The following GRID1 variants were observed in gnomAD, a reference collection of about 807,000 sequenced individuals.
GRID1 encodes the protein glutamate receptor ionotropic, delta-1.
A neutral mutation model predicts 98.0 loss-of-function variants in GRID1; 28 were observed. The ratio of observed to expected loss-of-function variants is 0.29; its 90% CI spans 0.21 to 0.39. The LOEUF (loss-of-function observed/expected upper bound fraction) is 0.39. GRID1 is among the 10% of genes least tolerant of loss of function. The pLI, the probability that GRID1 is intolerant of heterozygous loss-of-function variation, is 1.00. For missense variants in GRID1, 1,111 were observed against 1,340.5 expected (o/e 0.83, Z 2.67); for synonymous variants, 553 against 538.5 (o/e 1.03, Z -0.37).
At position 85,934,772 on chromosome 10, in the gene GRID1, T is replaced by C. The variant is rs374957347; in HGVS notation, c.727-18533A>G. Among the ~76,000 whole-genome samples, 8 of 152,148 alleles carry C rather than the reference T, an allele frequency of 5.3e-5. No homozygotes were observed. The East Asian group carries it at 1.4e-3, about 26-fold the overall frequency. On this transcript the variant is annotated intron_variant, in intron 4 of 15. Transcript: ENST00000327946. ...TGCCAGTCACGCTGGCTGGGGCCAC[T>C]GCCAGGCGTGGCCTGAGTGCCAGGC...
At chr10:85,731,841 G>GAGGGAGGGAGGAAGAA (rs1841828245) in intron 8 of GRID1, among the ~76,000 whole-genome samples, 1 of 138,864 alleles carries the variant, frequency 7.2e-6, no homozygotes, top group Non-Finnish European at 1.6e-5. Context: ...GGAAGGGAGG[G>GAGGGAGGGAGGAAGAA]AGGGAGGGAG....
chr10:85,853,992 A>G (rs1212651365), intron 8 of GRID1, among the ~76,000 whole-genome samples: 5 of 151,782 alleles, frequency 3.3e-5, no homozygotes, highest in African/African-American at 1.2e-4. Flanking sequence ...GAGTTGTTCA[A>G]CTCCTCTGTC....
chr10:85,802,427 T>C (rs1842585002), intron 8 of GRID1, among the ~76,000 whole-genome samples: 1 of 151,960 alleles, frequency 6.6e-6, no homozygotes, highest in Admixed American at 6.6e-5. Flanking sequence ...CACATATATA[T>C]GAATATGAAA....
At chr10:86,200,711 A>G (rs1845937733) in intron 3 of GRID1, among the ~76,000 whole-genome samples, 1 of 152,256 alleles carries the variant, frequency 6.6e-6, no homozygotes, top group South Asian at 2.1e-4. Flanking sequence ...TAACTTAAAG[A>G]AGATATTGCC....
chr10:86,242,080 A>C (rs1846645323), intron 2 of GRID1, among the ~76,000 whole-genome samples: 1 of 152,230 alleles, frequency 6.6e-6, no homozygotes, highest in South Asian at 2.1e-4. Context: ...AGCATTTACT[A>C]TGTGCCAAGC....
chr10:86,254,582 C>T (rs958847547), intron 2 of GRID1, among the ~76,000 whole-genome samples: 1 of 116,560 alleles, frequency 8.6e-6, no homozygotes, highest in African/African-American at 4.1e-5. Context: ...CACGTTGCAG[C>T]CCCATAGTGC....
intron 12 of GRID1, among the ~76,000 whole-genome samples, chr10:85,687,632 A>G (rs1841284871): frequency 6.6e-6 from 1 of 151,078 alleles, no homozygotes; most frequent in African/African-American, 2.5e-5. Context: ...TCTGTCTCAA[A>G]TACCAAAAAA....
chr10:85,697,929 C>T (rs989496005), intron 12 of GRID1, among the ~76,000 whole-genome samples: 2 of 152,058 alleles, frequency 1.3e-5, no homozygotes, highest in African/African-American at 4.8e-5. Flanking sequence ...CTATATGGTC[C>T]ACTTTGAATA....
At chr10:85,660,249 A>G (rs1325694189) in intron 12 of GRID1, among the ~76,000 whole-genome samples, 1 of 152,242 alleles carries the variant, frequency 6.6e-6, no homozygotes, top group Non-Finnish European at 1.5e-5. Flanking sequence ...CTGGCAGGAT[A>G]GAGCATGGTC....
chr10:85,916,390 CT>C lies in GRID1; in HGVS notation c.727-152del. 1 of 684,984 alleles carries C rather than the reference CT, an allele frequency of 1.5e-6. No individual in the cohort carries two copies. Among genetic ancestry groups the C allele is most frequent in the Admixed American group, 2.2e-5 (1 of 46,340 alleles). The allele number at this position is 684,984 out of a possible 1,614,324, so 42.4% of individuals were successfully genotyped here. A position where few individuals can be genotyped will look rare whatever the true frequency, so the allele number is the denominator to read the frequency against. ...TCCCCCTGGGGCCTGCTCTGGCTGC[CT>C]TAGCTGCAAGAAGCTTCATCTGAAC... On this transcript the variant is annotated intron_variant, in intron 4 of 15. Transcript: ENST00000327946. This position sits in a 1 kb window ranked among gnomAD's most constrained non-coding sequence, Gnocchi z 4.0.
At position 86,354,374 on chromosome 10, in the gene GRID1, C is replaced by T. The variant is rs551601854; in HGVS notation, c.235+9567G>A. 5.7e-4 allele frequency among the ~76,000 whole-genome samples: 87 copies of T among 152,268 alleles called. 1 individual carries two copies. The South Asian group carries it at 0.017, about 30-fold the overall frequency. On this transcript the variant is annotated intron_variant, in intron 2 of 15. Coordinates refer to ENST00000327946, the MANE Select transcript of GRID1 (RefSeq NM_017551.3). The stretch of plus-strand genomic sequence containing the variant: ...CCAGGAGGATGGAAAACATGGTGGC[C>T]GGGACACAACAAGAACGAATGCCTG...
intron 2 of GRID1, among the ~76,000 whole-genome samples, chr10:86,254,057 C>A (rs1846877009): frequency 6.6e-6 from 1 of 152,180 alleles, no homozygotes; most frequent in African/African-American, 2.4e-5. Flanking sequence ...GCCACCCAGA[C>A]CTACAGCCAA....
chr10:85,668,190 A>C (rs1046962391), intron 12 of GRID1, among the ~76,000 whole-genome samples: 3 of 152,226 alleles, frequency 2.0e-5, no homozygotes, highest in Non-Finnish European at 4.4e-5. Context: ...CCAGGGAAGG[A>C]AATGCAGTCT....
chr10:85,923,403 C>T (rs995096187), intron 4 of GRID1, among the ~76,000 whole-genome samples: 1 of 152,144 alleles, frequency 6.6e-6, no homozygotes, highest in Non-Finnish European at 1.5e-5. Flanking sequence ...GCTGAGAGGG[C>T]TGTTTTCCTG....
chr10:86,012,432 C>G (rs1425197935), intron 4 of GRID1, among the ~76,000 whole-genome samples: 1 of 152,178 alleles, frequency 6.6e-6, no homozygotes, highest in Non-Finnish European at 1.5e-5. Flanking sequence ...ATGGAGAGAG[C>G]TGGCAGAGGT....
chr10:85,675,609 C>T (rs1841136051), intron 12 of GRID1, among the ~76,000 whole-genome samples: 1 of 152,324 alleles, frequency 6.6e-6, no homozygotes, highest in African/African-American at 2.4e-5. Context: ...GGAAAATGAG[C>T]TCGTACCTTT....
chr10:86,239,607 G>A (rs1171964304), intron 2 of GRID1, among the ~76,000 whole-genome samples: 1 of 152,136 alleles, frequency 6.6e-6, no homozygotes, highest in African/African-American at 2.4e-5. Context: ...GGATCATGGG[G>A]GCAAATTTCC....
intron 3 of GRID1, among the ~76,000 whole-genome samples, chr10:86,161,932 G>T (rs1181655027): frequency 6.6e-6 from 1 of 152,168 alleles, no homozygotes; most frequent in African/African-American, 2.4e-5. Flanking sequence ...AGAAAAACAA[G>T]TGTGTTGTAT....
intron 8 of GRID1, among the ~76,000 whole-genome samples, chr10:85,834,085 G>A (rs939843138): frequency 6.6e-6 from 1 of 152,166 alleles, no homozygotes; most frequent in African/African-American, 2.4e-5. Flanking sequence ...AATAAATAAT[G>A]ATTAGCAGTT....
Sources: gnomAD v4.1 joint callset for allele counts (sites outside exome capture counted in the v4.1 genomes callset) on GRCh38, gnomAD v4.1.1 for gene constraint, Gnocchi (gnomAD v3.1) non-coding constraint, MANE v1.5 for transcripts, NCBI Gene and HGNC (gene_info 2026-07-23, HGNC 2026-07-21) for gene names.